Variants in STON1 observed in about 807,000 individuals in gnomAD.
STON1 encodes stonin-1.
STON1 carries 79 observed loss-of-function variants against 60.9 expected under a neutral mutation model. That is an observed-to-expected ratio of 1.30 (90% CI 1.08 to 1.56). The LOEUF (loss-of-function observed/expected upper bound fraction) is 1.56. Ranked by LOEUF, STON1 falls within the 40% of genes most tolerant of loss-of-function variation. The pLI is 0.00. For synonymous variants in STON1, 363 were observed against 306.9 expected, an observed-to-expected ratio of 1.18 and a Z score of -1.91; for missense variants, 1,166 against 858.9, an observed-to-expected ratio of 1.36 and a Z score of -4.47.
Position 48,598,446 on chromosome 2 carries a change from A to C in STON1, c.*3144A>C, listed in dbSNP as rs930893593. 1.3e-5 allele frequency: 2 copies of C among 152,670 alleles called. No homozygotes were observed. Among genetic ancestry groups the C allele is most frequent in the Non-Finnish European group, 2.9e-5 (2 of 68,036 alleles). 9.5% of individuals were successfully genotyped at this position (152,670 alleles called of 1,614,324 possible). Reference sequence around the variant, plus strand: ...CAAATATAAGACAGGTTGAGCCTTAATCATGTAACAAAATATTTTGTAGAT... The same window carrying C: ...CAAATATAAGACAGGTTGAGCCTTACTCATGTAACAAAATATTTTGTAGAT... On this transcript the variant is annotated 3_prime_UTR_variant, in exon 4 of 4. Coordinates refer to ENST00000404752, the MANE Select transcript of STON1 (RefSeq NM_006873.4).
chr2:48,555,554 A>C (rs1197072478), intron 1 of STON1, among the ~76,000 whole-genome samples: 91 of 25,648 alleles, frequency 3.5e-3, no homozygotes, highest in Admixed American at 4.1e-3. Context: ...TGGGGCTGAC[A>C]CCCCCACCTC....
chr2:48,532,203 C>A (rs1671239850), intron 1 of STON1, among the ~76,000 whole-genome samples: 4 of 151,898 alleles, frequency 2.6e-5, no homozygotes, highest in African/African-American at 9.7e-5. Context: ...CAAAAGCTAG[C>A]TGGGCCAGGT....
At chr2:48,589,103 C>T (rs190477510) in intron 2 of STON1, among the ~76,000 whole-genome samples, 114 of 151,972 alleles carry the variant, frequency 7.5e-4, no homozygotes, top group African/African-American at 2.7e-3. Flanking sequence ...AATATATCTA[C>T]CTCTAACTTC....
intron 1 of STON1, among the ~76,000 whole-genome samples, chr2:48,562,043 T>G (rs530452948): frequency 6.6e-6 from 1 of 152,132 alleles, no homozygotes; most frequent in African/African-American, 2.4e-5. Context: ...GTATTTTTAG[T>G]AGAAACGGGG....
At chr2:48,561,851 C>G (rs917183067) in intron 1 of STON1, among the ~76,000 whole-genome samples, 1 of 151,960 alleles carries the variant, frequency 6.6e-6, no homozygotes, top group African/African-American at 2.4e-5. Context: ...TATGAAGTTC[C>G]CACATTACTT....
In STON1 at chr2:48,568,139, T is replaced by C. The variant is rs7565806; in HGVS notation, c.-47-12448T>C. Among the ~76,000 whole-genome samples, 1,007 of 152,236 alleles carry C rather than the reference T, an allele frequency of 6.6e-3. 16 individuals are homozygous for C. The highest frequency in any genetic ancestry group is 0.023 in the African/African-American group (951 of 41,542). ...AATTGACCCAACAGGGACAGTTTGG[T>C]TGGGCTGATACCAGGAGGCTACTGA... On this transcript the variant is annotated intron_variant, in intron 1 of 3. Transcript: ENST00000404752.
chr2:48,564,737 T>TTTC (rs1672859527), intron 1 of STON1, among the ~76,000 whole-genome samples: 1 of 138,262 alleles, frequency 7.2e-6, no homozygotes, highest in African/African-American at 2.8e-5. Context: ...TTCTTTCTTT[T>TTTC]TTTTTTTTTT....
At chr2:48,562,668 C>T (rs1461196017) in intron 1 of STON1, among the ~76,000 whole-genome samples, 3 of 152,192 alleles carry the variant, frequency 2.0e-5, no homozygotes, top group African/African-American at 4.8e-5. Context: ...AATCTCTGTG[C>T]TCTTCTGCCT....
At chr2:48,545,920 A>T (rs1213829800) in intron 1 of STON1, among the ~76,000 whole-genome samples, 1 of 152,174 alleles carries the variant, frequency 6.6e-6, no homozygotes. Flanking sequence ...CACTGTGGAG[A>T]ATGATGAGGG....
chr2:48,572,677 C>G (rs1402632801), intron 1 of STON1, among the ~76,000 whole-genome samples: 3 of 152,196 alleles, frequency 2.0e-5, no homozygotes, highest in Non-Finnish European at 4.4e-5. Context: ...CGTATTCAGT[C>G]TGAAACGGAA....
At chr2:48,536,354 C>T (rs568462168) in intron 1 of STON1, among the ~76,000 whole-genome samples, 1 of 152,074 alleles carries the variant, frequency 6.6e-6, no homozygotes, top group East Asian at 1.9e-4. Context: ...TCGAGACCAG[C>T]CTGGCCAACA....
At chr2:48,571,597 T>A (rs778412058) in intron 1 of STON1, among the ~76,000 whole-genome samples, 3 of 152,170 alleles carry the variant, frequency 2.0e-5, no homozygotes, top group Admixed American at 2.0e-4. Context: ...AAGTAGCAGA[T>A]GACTGAGGAA....
chr2:48,555,180 C>T (rs1346971509), intron 1 of STON1, among the ~76,000 whole-genome samples: 1 of 100,364 alleles, frequency 1.0e-5, no homozygotes, highest in Admixed American at 9.9e-5. Flanking sequence ...CCCGCCTTTC[C>T]CGCCTTTCTA....
chr2:48,553,348 A>ACCCTTCTCTTCCCTTCTCTT (rs1672179431), intron 1 of STON1, among the ~76,000 whole-genome samples: 2 of 150,742 alleles, frequency 1.3e-5, no homozygotes, highest in African/African-American at 4.9e-5. Context: ...CTCTCTGTAG[A>ACCCTTCTCTTCCCTTCTCTT]CCCTTCCCTT....
intron 1 of STON1, among the ~76,000 whole-genome samples, chr2:48,562,403 G>A (rs1672650399): frequency 6.6e-6 from 1 of 152,156 alleles, no homozygotes; most frequent in Non-Finnish European, 1.5e-5. Flanking sequence ...AGGGATCCTA[G>A]GCTTGTAGCA....
chr2:48,530,748 C>T (rs1222638737), intron 1 of STON1: 1 of 152,374 alleles, frequency 6.6e-6, no homozygotes, highest in Admixed American at 6.5e-5. Context: ...CCCGGAGTCC[C>T]CTCCTGCCCT....
At chr2:48,544,940 C>T (rs1002810403) in intron 1 of STON1, among the ~76,000 whole-genome samples, 8 of 152,146 alleles carry the variant, frequency 5.3e-5, no homozygotes, top group Non-Finnish European at 1.2e-4. Flanking sequence ...CCTTTGCAAC[C>T]AGGAATCCCT....
chr2:48,548,232 C>T (rs1671940514), intron 1 of STON1, among the ~76,000 whole-genome samples: 1 of 152,208 alleles, frequency 6.6e-6, no homozygotes, highest in East Asian at 1.9e-4. Context: ...CTCGCTCTGA[C>T]CTGAGCTGTA....
intron 1 of STON1, among the ~76,000 whole-genome samples, chr2:48,574,364 CAACTCCATCTCGAAAAAAA>C (rs1186732716): frequency 6.7e-6 from 1 of 148,376 alleles, no homozygotes; most frequent in Non-Finnish European, 1.5e-5. Flanking sequence ...CGACAGAGTG[CAACTCCATCTCGAAAAAAA>C]AAAAAAGAAA....
Sources: gnomAD v4.1 joint callset for allele counts (sites outside exome capture counted in the v4.1 genomes callset) on GRCh38, gnomAD v4.1.1 for gene constraint, MANE v1.5 for transcripts, NCBI Gene and HGNC (gene_info 2026-07-23, HGNC 2026-07-21) for gene names.